The following KRT9 variants were observed in gnomAD, a reference collection of about 807,000 sequenced individuals.
KRT9 encodes keratin 9, also known as keratin, type I cytoskeletal 9.
A neutral mutation model predicts 51.4 loss-of-function variants in KRT9; 34 were observed. The observed-to-expected ratio is 0.66, with a 90% CI of 0.50 to 0.88. The LOEUF (loss-of-function observed/expected upper bound fraction) is 0.88, where lower values mean the gene tolerates loss of function less well. Ranked by LOEUF, KRT9 falls within the 40% of genes least tolerant of loss-of-function variation. The pLI, the probability that KRT9 is intolerant of heterozygous loss-of-function variation, is 0.00. For missense variants in KRT9, 753 were observed against 790.3 expected (o/e 0.95, Z 0.57); for synonymous variants, 292 against 289.7 (o/e 1.01, Z -0.08).
chr17:41,571,168 G>A (rs762556467), intron 1 of KRT9, among the ~76,000 whole-genome samples, 183 bp downstream of exon 1: 2 of 152,174 alleles, frequency 1.3e-5, no homozygotes, highest in African/African-American at 2.4e-5. Flanking sequence ...CAGAGCACAG[G>A]CCAAAGTCCT....
Position 41,571,705 on chromosome 17 carries a change from A to G in KRT9, c.288T>C (p.Gly96=). Residue 96 remains glycine (G), a synonymous_variant, in exon 1 of 8, where the codon GGT becomes GGC. Coordinates refer to ENST00000246662, the MANE Select transcript of KRT9 (RefSeq NM_000226.4). ...LGGGFGGGSR[G]FGGASGGGYS... ...AGCCTCCTCCAGAAGCACCACCAAA[A>G]CCTCTGGAACCACCCCCAAAGCCAC... 1 of 1,608,358 alleles carries G rather than the reference A, an allele frequency of 6.2e-7. No individual in the cohort carries two copies. Among genetic ancestry groups the G allele is most frequent in the South Asian group, 1.1e-5 (1 of 90,334 alleles).
intron 6 of KRT9, 138 bp downstream of exon 6, chr17:41,568,024 C>T (rs937458015): frequency 4.2e-6 from 4 of 953,300 alleles, no homozygotes; most frequent in Non-Finnish European, 6.2e-6. Context: ...GTCCCCCCGG[C>T]CCCCAGGATG....
Position 41,570,224 on chromosome 17 carries a change from A to G in KRT9, c.643-4T>C, listed in dbSNP as rs1375345574. On this transcript the variant is annotated splice_region_variant and splice_polypyrimidine_tract_variant and intron_variant, in intron 1 of 7. Transcript: ENST00000246662. ...TGCCCACTGTCAGGTCCACAATCTG[A>G]AAAAAAAAGGACACAGCCATGATAT... 3 of 1,593,012 alleles carry G rather than the reference A, an allele frequency of 1.9e-6. No homozygotes were observed. Among genetic ancestry groups the G allele is most frequent in the African/African-American group, 2.7e-5 (2 of 74,034 alleles).
intron 1 of KRT9, among the ~76,000 whole-genome samples, chr17:41,570,697 T>C (rs768573912): frequency 1.2e-4 from 18 of 152,258 alleles, no homozygotes; most frequent in Non-Finnish European, 2.5e-4. Flanking sequence ...TTCAGAGACA[T>C]GCAGGAGTTA....
At chr17:41,566,905 T>G (rs567286167) in intron 7 of KRT9, among the ~76,000 whole-genome samples, 1 of 152,238 alleles carries the variant, frequency 6.6e-6, no homozygotes. Context: ...TTTGAGCAAA[T>G]TATTTTCTCT....
At chr17:41,566,976 A>C (rs1314879547) in intron 7 of KRT9, among the ~76,000 whole-genome samples, 1 of 152,170 alleles carries the variant, frequency 6.6e-6, no homozygotes, top group Non-Finnish European at 1.5e-5. Context: ...GTGTGTCATG[A>C]TAATGCACAA....
Position 41,571,835 on chromosome 17 carries a change from T to A in KRT9, c.158A>T (p.Tyr53Phe), listed in dbSNP as rs926641605. Reference sequence around the variant, plus strand: ...ACAGACACGAGAGCTTCCCCCACCATAGCCACTAGAAGAGCTGAATCGGCC... The same window carrying A: ...ACAGACACGAGAGCTTCCCCCACCAAAGCCACTAGAAGAGCTGAATCGGCC... The part of the protein sequence containing the change: ...GGGRFSSSSG[Y>F]GGGSSRVCGR... Residue 53 changes from tyrosine to phenylalanine, a missense_variant, in exon 1 of 8, where the codon TAT becomes TTT. Physicochemically the swap from Tyr to Phe is conservative, Grantham distance 22. Around this residue, in one of 3 missense-constraint regions of KRT9, gnomAD observed 241 missense variants for 210.3 expected, o/e 1.15. Coordinates refer to ENST00000246662, the MANE Select transcript of KRT9 (RefSeq NM_000226.4). The A allele has an allele frequency of 2.5e-6, 4 of 1,607,088 alleles. No homozygotes were observed. In the African/African-American group the frequency reaches 5.4e-5, roughly 22 times the overall value.
rs1030114481 is a variant in KRT9 at position 41,568,583 on chromosome 17, G to A, written c.1095C>T (p.Ser365=). ...GGAGCTGGGTCACCTCCTTGGCACT[G>A]GACTGCACCTCCTGACCACTACTGG... ...EVSSSGQEVQ[S]SAKEVTQLRH... is the part of the protein sequence containing the mutation. Residue 365 remains serine (S), a synonymous_variant, in exon 5 of 8, where the codon TCC becomes TCT. Transcript: ENST00000246662. The A allele has an allele frequency of 3.7e-6, 6 of 1,614,000 alleles. No individual in the cohort carries two copies. Among genetic ancestry groups the A allele is most frequent in the Non-Finnish European group, 5.1e-6 (6 of 1,180,012 alleles).
intron 7 of KRT9, 146 bp downstream of exon 7, chr17:41,567,087 A>C: frequency 7.5e-7 from 1 of 1,337,292 alleles, no homozygotes; most frequent in Non-Finnish European, 1.0e-6. Flanking sequence ...TTCAGAACCA[A>C]GGGTAGGTCT....
At chr17:41,570,452 G>C (rs1200677252) in intron 1 of KRT9, among the ~76,000 whole-genome samples, 1 of 152,196 alleles carries the variant, frequency 6.6e-6, no homozygotes, top group Non-Finnish European at 1.5e-5. Flanking sequence ...ACTGCAAAGG[G>C]CATTGTAGGA....
chr17:41,568,356 G>A lies in KRT9; in HGVS notation c.1200C>T (p.Asp400=). The A allele has an allele frequency of 6.2e-7, 1 of 1,614,164 alleles. No homozygotes were observed. The highest frequency in any genetic ancestry group is 8.5e-7 in the Non-Finnish European group (1 of 1,180,032). ...KKAALEKSLE[D]TKNRYCGQLQ... is the part of the protein sequence containing the mutation. ...GCTGGCCACAGTAGCGGTTCTTCGT[G>A]TCTTCCAAGCTCTTCTCCAGAGCTG... Residue 400 remains aspartate, a synonymous_variant, in exon 6 of 8, where the codon GAC becomes GAT. Coordinates refer to ENST00000246662, the MANE Select transcript of KRT9 (RefSeq NM_000226.4).
chr17:41,569,554 C>G lies in KRT9; in HGVS notation c.916G>C (p.Asp306His), dbSNP rs1407518088. 1 of 1,614,052 alleles carries G rather than the reference C, an allele frequency of 6.2e-7. No homozygotes were observed. Among genetic ancestry groups the G allele is most frequent in the Non-Finnish European group, 8.5e-7 (1 of 1,180,036 alleles). Residue 306 changes from aspartate (D) to histidine (H), a missense_variant, in exon 4 of 8, where the codon GAT becomes CAT. Transcript: ENST00000246662. ...MSQLTGQNSG[D>H]VNVEINVAPG... is the part of the protein sequence containing the mutation. ...GCAACGTTTATCTCCACATTGACATCTCCACTGTTCTGCCCAGTCAGCTGA... is the reference window on the plus strand; with the variant it reads ...GCAACGTTTATCTCCACATTGACATGTCCACTGTTCTGCCCAGTCAGCTGA...
intron 6 of KRT9, 30 bp downstream of exon 6, chr17:41,568,132 A>G (rs1906939905): frequency 1.3e-6 from 2 of 1,577,112 alleles, no homozygotes; most frequent in Admixed American, 3.3e-5. Flanking sequence ...AGGGACCCCC[A>G]GGGGTTCCAC....
chr17:41,569,782 T>A (rs956119833), intron 3 of KRT9, 77 bp downstream of exon 3: 1 of 1,575,842 alleles, frequency 6.3e-7, no homozygotes, highest in African/African-American at 1.3e-5. Context: ...TCCCAGGTAA[T>A]GTTCCAAAGC....
intron 4 of KRT9, among the ~76,000 whole-genome samples, 181 bp from the exon 5 acceptor site, chr17:41,568,814 C>T (rs1418297402): frequency 3.9e-5 from 6 of 152,136 alleles, no homozygotes; most frequent in Non-Finnish European, 5.9e-5. Context: ...CTCAACATGA[C>T]ATTCCCTCTC....
At position 41,569,760 on chromosome 17, in the gene KRT9, G is replaced by C. The variant is rs576987996; in HGVS notation, c.882+99C>G. On this transcript the variant is annotated intron_variant, in intron 3 of 7. Coordinates refer to ENST00000246662, the MANE Select transcript of KRT9 (RefSeq NM_000226.4). Reference sequence around the variant, plus strand: ...AGTTGAAAGTGTCCTCAAGAGCAAAGGAGAGGGTGTCTCCCAGGTAATGTT... The same window carrying C: ...AGTTGAAAGTGTCCTCAAGAGCAAACGAGAGGGTGTCTCCCAGGTAATGTT... 18 of 1,529,016 alleles carry C rather than the reference G, an allele frequency of 1.2e-5. No individual in the cohort carries two copies. In the East Asian group the frequency reaches 3.8e-4, roughly 32 times the overall value. The allele number at this position is 1,529,016 out of a possible 1,614,324, so 94.7% of individuals were successfully genotyped here. A position where few individuals can be genotyped will look rare whatever the true frequency, so the allele number is the denominator to read the frequency against.
chr17:41,567,467 C>T lies in KRT9; in HGVS notation c.1678G>A (p.Gly560Arg). The T allele has an allele frequency of 6.4e-7, 1 of 1,552,548 alleles. No individual in the cohort carries two copies. Among genetic ancestry groups the T allele is most frequent in the Non-Finnish European group, 8.7e-7 (1 of 1,147,678 alleles). Residue 560 changes from glycine to arginine, a missense_variant, in exon 7 of 8, where the codon GGA becomes AGA. Physicochemically the swap from Gly to Arg is moderately radical, Grantham distance 125. This residue lies in a region of KRT9 where 507 missense variants were observed against 563.7 expected (regional missense o/e 0.90). Transcript: ENST00000246662. ...CTTCCTCCTCCAGAGCCACTTCCTCCTCCATAGTTGCCCCCACTTCCTCCA... is the reference window on the plus strand; with the variant it reads ...CTTCCTCCTCCAGAGCCACTTCCTCTTCCATAGTTGCCCCCACTTCCTCCA... ...HSGGSGGNYGGGSGSGGGSGG... is the reference protein window; with the variant it reads ...HSGGSGGNYGRGSGSGGGSGG...
At chr17:41,569,697 C>T (rs1907009557) in intron 3 of KRT9, 110 bp from the exon 4 acceptor site, 1 of 1,512,076 alleles carries the variant, frequency 6.6e-7, no homozygotes, top group Non-Finnish European at 9.2e-7. Context: ...AGTTGTGAAG[C>T]CAAAGCCCAA....
chr17:41,568,100 ACAGAAGTAGTATCAGAGGCCTAGGG>A, intron 6 of KRT9, 37 bp downstream of exon 6: 1 of 1,401,780 alleles, frequency 7.1e-7, no homozygotes, highest in Non-Finnish European at 1.0e-6. Flanking sequence ...ATCCAGAGGG[ACAGAAGTAGTATCAGAGGCCTAGGG>A]ACCCCCAGGG....
Sources: allele counts gnomAD v4.1 joint callset (sites outside exome capture counted in the v4.1 genomes callset), GRCh38; gene constraint gnomAD v4.1.1; regional missense constraint gnomAD v4.1.1; transcripts MANE v1.5; gene names NCBI Gene and HGNC (gene_info 2026-07-23, HGNC 2026-07-21).